PFKP: variants seen among roughly 807,000 people sequenced by gnomAD.
The protein encoded by PFKP is phosphofructokinase, platelet.
PFKP carries 101 observed loss-of-function variants against 94.3 expected under a neutral mutation model. The ratio of observed to expected loss-of-function variants is 1.07; its 90% confidence interval spans 0.91 to 1.26. The LOEUF is 1.26. Among genes scored for constraint, PFKP ranks in the 50% most tolerant of loss-of-function variants. The pLI, the probability that PFKP is intolerant of heterozygous loss-of-function variation, is 0.00. For missense variants in PFKP, 1,145 were observed against 1,103.3 expected, an observed-to-expected ratio of 1.04 and a Z score of -0.53; for synonymous variants, 573 against 432.6, an observed-to-expected ratio of 1.32 and a Z score of -4.03.
intron 2 of PFKP, among the ~76,000 whole-genome samples, chr10:3,087,961 A>G (rs1833729232): frequency 6.7e-6 from 1 of 149,390 alleles, no homozygotes; most frequent in African/African-American, 2.5e-5. Context: ...TGTTACAGAT[A>G]TAAAAATCCT....
rs529375733 is a variant in PFKP, at chr10:3,113,158, C to T, written c.1194C>T (p.Ala398=). ...AGNLNTYKRL[A]IKLPDDQIPK... is the part of the protein sequence containing the mutation. ...ACCTGAACACCTACAAGCGACTTGC[C>T]ATCAAGCTGCCGGATGATCAGATCC... is the stretch of plus-strand genomic sequence containing the variant. Residue 398 remains alanine (A), a synonymous_variant, in exon 12 of 22, where the codon GCC becomes GCT. Transcript: ENST00000381125. The T allele has an allele frequency of 3.7e-6, 6 of 1,613,132 alleles. No homozygotes were observed. The highest frequency in any genetic ancestry group is 4.2e-6 in the Non-Finnish European group (5 of 1,179,630).
In PFKP at chr10:3,105,231, C is replaced by T. The variant is rs1052463439; in HGVS notation, c.665+72C>T. The stretch of plus-strand genomic sequence containing the variant: ...CCTCAGCATCATCTCCCTGAGGCTG[C>T]ACCCCACATCCTGAATGCTCCCGTG... On this transcript the variant is annotated intron_variant, in intron 6 of 21. Coordinates refer to ENST00000381125, the MANE Select transcript of PFKP (RefSeq NM_002627.5). 136 of 1,436,264 alleles carry T rather than the reference C, an allele frequency of 9.5e-5. 1 individual carries two copies. The highest frequency in any genetic ancestry group is 1.2e-4 in the Non-Finnish European group (127 of 1,019,072). The allele number at this position is 1,436,264 out of a possible 1,614,324, so 89.0% of individuals were successfully genotyped here. A position where few individuals can be genotyped will look rare whatever the true frequency, so the allele number is the denominator to read the frequency against.
At chr10:3,093,095 G>A (rs373189226) in intron 2 of PFKP, among the ~76,000 whole-genome samples, 74 of 152,188 alleles carry the variant, frequency 4.9e-4, no homozygotes, top group African/African-American at 1.5e-3. Context: ...CTGAGCTCCC[G>A]CTCCTGGGAT....
At chr10:3,089,084 A>C (rs1393670466) in intron 2 of PFKP, among the ~76,000 whole-genome samples, 1 of 152,060 alleles carries the variant, frequency 6.6e-6, no homozygotes, top group Non-Finnish European at 1.5e-5. Flanking sequence ...GGCACCCACC[A>C]CCACGCCTGG....
chr10:3,102,218 T>C (rs1588466745), intron 4 of PFKP, among the ~76,000 whole-genome samples: 1 of 106,690 alleles, frequency 9.4e-6, no homozygotes, highest in South Asian at 3.9e-4. Flanking sequence ...GCCACTGCAC[T>C]CCAGCCTGGG....
At chr10:3,096,590 G>A (rs566661171) in intron 2 of PFKP, among the ~76,000 whole-genome samples, 1 of 151,908 alleles carries the variant, frequency 6.6e-6, no homozygotes, top group South Asian at 2.1e-4. Context: ...ATGGGAGGTC[G>A]TGCCTCTAAG....
intron 16 of PFKP, among the ~76,000 whole-genome samples, chr10:3,125,493 C>G (rs1837853623): frequency 6.6e-6 from 1 of 152,170 alleles, no homozygotes; most frequent in Non-Finnish European, 1.5e-5. Flanking sequence ...TCTATCCCAC[C>G]TAGACTAGGG....
intron 4 of PFKP, 44 bp from the exon 5 acceptor site, chr10:3,103,735 G>A (rs749232020): frequency 3.7e-6 from 6 of 1,608,474 alleles, no homozygotes; most frequent in Middle Eastern, 1.7e-4. Context: ...CCCCGAACGC[G>A]CCATGGTTAC....
At chr10:3,099,473 C>A in intron 3 of PFKP, 121 bp downstream of exon 3, 1 of 757,076 alleles carries the variant, frequency 1.3e-6, no homozygotes, top group Non-Finnish European at 2.3e-6. Context: ...ACAGAACAGA[C>A]TTTGTGAGCA....
At chr10:3,092,811 C>T (rs548837531) in intron 2 of PFKP, among the ~76,000 whole-genome samples, 16 of 152,322 alleles carry the variant, frequency 1.1e-4, no homozygotes, top group Middle Eastern at 3.4e-3. Context: ...AAATCTCACA[C>T]TTGTGACCCA....
chr10:3,101,465 T>A lies in PFKP; in HGVS notation c.365T>A (p.Leu122Gln). The A allele has an allele frequency of 6.2e-7, 1 of 1,609,428 alleles. No homozygotes were observed. The change falls in exon 4 of 22, where the codon CTG becomes CAG. Residue 122 changes from leucine to glutamine, a missense_variant. By Grantham distance (113) the Leu-to-Gln change is moderately radical. Transcript: ENST00000381125. ...CTGCTGCAGCGCGGCATCACCAACCTGTGTGTGATCGGCGGGGACGGGAGC... is the reference window on the plus strand; with the variant it reads ...CTGCTGCAGCGCGGCATCACCAACCAGTGTGTGATCGGCGGGGACGGGAGC... The part of the protein sequence containing the change: ...CNLLQRGITN[L>Q]CVIGGDGSLT...
At chr10:3,122,003 A>G (rs1381954992) in intron 16 of PFKP, among the ~76,000 whole-genome samples, 1 of 151,334 alleles carries the variant, frequency 6.6e-6, no homozygotes, top group Non-Finnish European at 1.5e-5. Context: ...TTGTATTTCC[A>G]TAGAGACGGG....
At position 3,113,509 on chromosome 10, in the gene PFKP, C is replaced by CA; in HGVS notation, c.1364dup (p.Gln457ProfsTer145). 6.2e-7 allele frequency: 1 copy of CA among 1,612,520 alleles called. No homozygotes were observed. The highest frequency in any genetic ancestry group is 8.5e-7 in the Non-Finnish European group (1 of 1,179,932). On this transcript the variant is annotated frameshift_variant, in exon 13 of 22. Coordinates refer to ENST00000381125, the MANE Select transcript of PFKP (RefSeq NM_002627.5). LOFTEE classifies it high-confidence loss of function. ...TCTATGATGGCTTTGACGGCTTCGC[C>CA]AAGGGCCAGGTGAGTCACCCAGGAT...
At chr10:3,102,230 G>C (rs1455480190) in intron 4 of PFKP, among the ~76,000 whole-genome samples, 27 of 104,774 alleles carry the variant, frequency 2.6e-4, no homozygotes, top group African/African-American at 8.6e-4. Context: ...CAGCCTGGGC[G>C]ACAGAGCGAG....
At chr10:3,135,356 A>C (rs1839126090) in intron 20 of PFKP, among the ~76,000 whole-genome samples, 1 of 152,226 alleles carries the variant, frequency 6.6e-6, no homozygotes, top group Non-Finnish European at 1.5e-5. Flanking sequence ...TTTGGCTTTG[A>C]TTCTTTCTAC....
chr10:3,096,367 G>A (rs899740605), intron 2 of PFKP, among the ~76,000 whole-genome samples: 4 of 152,092 alleles, frequency 2.6e-5, no homozygotes, highest in Non-Finnish European at 5.9e-5. Flanking sequence ...CCTTCCCCCC[G>A]GTCTCTTTAT....
intron 19 of PFKP, 76 bp downstream of exon 19, chr10:3,133,390 C>T (rs193000142): frequency 7.5e-6 from 7 of 936,232 alleles, no homozygotes; most frequent in East Asian, 7.3e-5. Context: ...TTATTTTAGC[C>T]ATTGTGGGGA....
chr10:3,092,939 C>T (rs1564286528), intron 2 of PFKP, among the ~76,000 whole-genome samples: 1 of 150,686 alleles, frequency 6.6e-6, no homozygotes, highest in Non-Finnish European at 1.5e-5. Context: ...TGGGGGTGGC[C>T]ACGGAAGCCT....
chr10:3,092,873 G>C (rs978277675), intron 2 of PFKP, among the ~76,000 whole-genome samples: 2 of 152,148 alleles, frequency 1.3e-5, no homozygotes, highest in Non-Finnish European at 2.9e-5. Context: ...CTGAGGAAAG[G>C]GGTGTGGGGG....
Sources: gnomAD v4.1 joint callset for allele counts (sites outside exome capture counted in the v4.1 genomes callset) on GRCh38, gnomAD v4.1.1 for gene constraint, MANE v1.5 for transcripts, NCBI Gene and HGNC (gene_info 2026-07-23, HGNC 2026-07-21) for gene names.